The following STAG3 variants were observed in gnomAD, a reference collection of about 807,000 sequenced individuals.
STAG3 encodes cohesin subunit SA-3.
In STAG3, 101 loss-of-function variants were observed where a neutral mutation model predicts 160.7. The ratio of observed to expected loss-of-function variants is 0.63; its 90% confidence interval spans 0.54 to 0.74. STAG3 has a LOEUF of 0.74. STAG3 is among the 30% of genes least tolerant of loss of function. STAG3 has a pLI of 0.00. For synonymous variants in STAG3, 519 were observed against 585.0 expected (o/e 0.89, Z 1.63); for missense variants, 1,188 against 1,517.4 (o/e 0.78, Z 3.61).
chr7:100,179,263 G>GTT (rs869049727), intron 1 of STAG3, among the ~76,000 whole-genome samples: 5 of 134,718 alleles, frequency 3.7e-5, no homozygotes, highest in African/African-American at 2.7e-5. Flanking sequence ...CTTGGGTTTT[G>GTT]TTTTTTTTTT....
chr7:100,201,379 G>A, intron 21 of STAG3, 28 bp downstream of exon 21: 2 of 1,600,004 alleles, frequency 1.3e-6, no homozygotes, highest in Non-Finnish European at 1.7e-6. Context: ...AGATGGGTTG[G>A]GGGCTGGGGG....
chr7:100,213,020 T>G (rs1618851), intron 32 of STAG3: 107,106 of 154,428 alleles, frequency 0.69, 37,875 homozygotes, highest in Middle Eastern at 0.88. Flanking sequence ...ACTGGTGTCT[T>G]ACAAACAGCA....
chr7:100,213,725 TTC>T lies in STAG3; in HGVS notation c.3601-4_3601-3del, dbSNP rs1802500308. On this transcript the variant is annotated splice_region_variant and splice_polypyrimidine_tract_variant and intron_variant, in intron 32 of 33. Coordinates refer to ENST00000615138, the MANE Select transcript of STAG3 (RefSeq NM_001282717.2). ...AAGGCCTTTTTGACTTTTAACCTCATTCTCTCTAGCAAGCAAGTAGCTACTCT... is the reference window on the plus strand; with the variant it reads ...AAGGCCTTTTTGACTTTTAACCTCATTCTCTAGCAAGCAAGTAGCTACTCT... The T allele has an allele frequency of 1.9e-6, 3 of 1,614,068 alleles. No homozygotes were observed. The highest frequency in any genetic ancestry group is 1.3e-5 in the African/African-American group (1 of 74,922).
In STAG3 at chr7:100,202,269, C is replaced by T; in HGVS notation, c.2492C>T (p.Ala831Val). The change falls in exon 24 of 34, where the codon GCT becomes GTT. Residue 831 changes from alanine (A) to valine (V), a missense_variant. Ala to Val is a moderately conservative substitution (Grantham distance 64). Coordinates refer to ENST00000615138, the MANE Select transcript of STAG3 (RefSeq NM_001282717.2). Reference sequence around the variant, plus strand: ...AGGCCACTTGTCTTTTTTCCTGAAGCTACTCTCCAGTCTGAGCTAGCCAGC... The same window carrying T: ...AGGCCACTTGTCTTTTTTCCTGAAGTTACTCTCCAGTCTGAGCTAGCCAGC... ...FLRPLVFFPE[A>V]TLQSELASFL... 1 of 1,614,172 alleles carries T rather than the reference C, an allele frequency of 6.2e-7. No homozygotes were observed. The highest frequency in any genetic ancestry group is 1.1e-5 in the South Asian group (1 of 91,088).
At chr7:100,187,236 T>C (rs1362056775) in intron 5 of STAG3, among the ~76,000 whole-genome samples, 1 of 152,132 alleles carries the variant, frequency 6.6e-6, no homozygotes, top group Non-Finnish European at 1.5e-5. Context: ...TTCACCAGGC[T>C]GATCTTGAAC....
Position 100,197,299 on chromosome 7 carries a change from C to G in STAG3, c.1065+20C>G. The G allele has an allele frequency of 6.2e-7, 1 of 1,605,986 alleles. No homozygotes were observed. Among genetic ancestry groups the G allele is most frequent in the South Asian group, 1.1e-5 (1 of 90,444 alleles). On this transcript the variant is annotated intron_variant, in intron 10 of 33. Transcript: ENST00000615138. ...GATAAGGTGGGATTCGAGTCAGTTT[C>G]CCTTTCCGTTTCCTTCATCTTTTTC...
At chr7:100,178,114 A>C (rs899728808) in intron 1 of STAG3, 109 bp downstream of exon 1, 1 of 99,810 alleles carries the variant, frequency 1.0e-5, no homozygotes, top group Non-Finnish European at 2.0e-5. Flanking sequence ...CGGCCCTGAC[A>C]CTAGGAGCCT....
chr7:100,186,952 T>G (rs767652323), intron 5 of STAG3, among the ~76,000 whole-genome samples: 4 of 152,232 alleles, frequency 2.6e-5, no homozygotes, highest in Non-Finnish European at 5.9e-5. Flanking sequence ...GCTTCGTTTA[T>G]TGGGACAGAT....
Position 100,182,798 on chromosome 7 carries a change from G to C in STAG3, c.295G>C (p.Asp99His). The C allele has an allele frequency of 6.2e-7, 1 of 1,613,934 alleles. No individual in the cohort carries two copies. Among genetic ancestry groups the C allele is most frequent in the Non-Finnish European group, 8.5e-7 (1 of 1,179,880 alleles). Reference protein sequence around the residue: ...SRKQSEPPANDLFNAVKAAKS... With the variant: ...SRKQSEPPANHLFNAVKAAKS... The stretch of plus-strand genomic sequence containing the variant: ...GAAACAGTCAGAGCCACCAGCCAAT[G>C]ATCTTTTCAATGCTGTGAAAGCCGC... Residue 99 changes from aspartate (D) to histidine (H), a missense_variant, in exon 4 of 34, where the codon GAT becomes CAT. Transcript: ENST00000615138.
At chr7:100,213,614 C>T in intron 32 of STAG3, 121 bp from the exon 33 acceptor site, 2 of 1,534,080 alleles carry the variant, frequency 1.3e-6, no homozygotes, top group South Asian at 2.5e-5. Context: ...CAGGAGGTGC[C>T]ATAGGGGCCT....
In STAG3 at chr7:100,203,958, A is replaced by G. The variant is rs1262229050; in HGVS notation, c.2701-63A>G. ...GAGGGAGACATGATTAGGGATGTGA[A>G]GGAAGAAACCAAATGGTCTTTTCCA... is the stretch of plus-strand genomic sequence containing the variant. On this transcript the variant is annotated intron_variant, in intron 25 of 33. Coordinates refer to ENST00000615138, the MANE Select transcript of STAG3 (RefSeq NM_001282717.2). 8.0e-5 allele frequency: 90 copies of G among 1,125,338 alleles called. 2 individuals are homozygous for G. The South Asian group carries it at 8.3e-4, about 10-fold the overall frequency. 69.7% of individuals were successfully genotyped at this position (1,125,338 alleles called of 1,614,324 possible). A position where few individuals can be genotyped will look rare whatever the true frequency, so the allele number is the denominator to read the frequency against.
At chr7:100,212,108 T>C (rs1802277519) in intron 32 of STAG3, 1 of 435,214 alleles carries the variant, frequency 2.3e-6, no homozygotes, top group Non-Finnish European at 4.1e-6. Context: ...AATAGCACTC[T>C]CGCTCCCAAT....
At chr7:100,188,559 C>T (rs779020781) in intron 6 of STAG3, 30 bp downstream of exon 6, 6 of 1,511,046 alleles carry the variant, frequency 4.0e-6, no homozygotes, top group South Asian at 1.1e-5. Context: ...ATCCTCTTAC[C>T]CCTCTTATTT....
At chr7:100,183,395 A>G (rs1799778740) in intron 4 of STAG3, among the ~76,000 whole-genome samples, 1 of 152,228 alleles carries the variant, frequency 6.6e-6, no homozygotes, top group Non-Finnish European at 1.5e-5. Flanking sequence ...GAGGAGAGGC[A>G]TTGCATGACA....
chr7:100,204,204 C>A (rs1339746743), intron 26 of STAG3, 82 bp downstream of exon 26: 2 of 1,068,762 alleles, frequency 1.9e-6, no homozygotes, highest in Non-Finnish European at 1.4e-6. Context: ...AATGTAAGAT[C>A]CTTCAGAGCA....
At chr7:100,187,381 CTGCT>C (rs1800084947) in intron 5 of STAG3, among the ~76,000 whole-genome samples, 1 of 139,816 alleles carries the variant, frequency 7.2e-6, no homozygotes, top group African/African-American at 2.6e-5. Context: ...CAGTTTTTCA[CTGCT>C]TGATTCCTTT....
intron 13 of STAG3, 49 bp downstream of exon 13, chr7:100,198,631 T>C (rs1584714943): frequency 2.6e-6 from 4 of 1,541,842 alleles, no homozygotes; most frequent in East Asian, 2.2e-5. Flanking sequence ...TCTCGGTTTC[T>C]CTCCTCCATC....
chr7:100,188,291 G>C (rs190443552), intron 5 of STAG3, among the ~76,000 whole-genome samples, 162 bp from the exon 6 acceptor site: 2 of 152,304 alleles, frequency 1.3e-5, no homozygotes, highest in Admixed American at 6.5e-5. Context: ...CCTTATAGCA[G>C]ATACATGGTT....
intron 29 of STAG3, 39 bp downstream of exon 29, chr7:100,205,423 T>G (rs1295123724): frequency 6.4e-7 from 1 of 1,554,334 alleles, no homozygotes; most frequent in Non-Finnish European, 8.7e-7. Flanking sequence ...GCCCAGCAGG[T>G]GGTCGTTGGC....
Sources: allele counts gnomAD v4.1 joint callset (sites outside exome capture counted in the v4.1 genomes callset), GRCh38; gene constraint gnomAD v4.1.1; transcripts MANE v1.5; gene names NCBI Gene and HGNC (gene_info 2026-07-23, HGNC 2026-07-21).